Variants in SLC36A2 observed in about 807,000 individuals in gnomAD.
The protein encoded by SLC36A2 is solute carrier family 36 member 2.
A neutral mutation model predicts 42.7 loss-of-function variants in SLC36A2; 39 were observed. The ratio of observed to expected loss-of-function variants is 0.91; its 90% CI spans 0.71 to 1.19. SLC36A2 has a LOEUF of 1.19. Among genes scored for constraint, SLC36A2 ranks in the 50% most tolerant of loss-of-function variants. SLC36A2 has a pLI of 0.00. For missense variants in SLC36A2, 590 were observed against 613.7 expected, an observed-to-expected ratio of 0.96 and a Z score of 0.41; for synonymous variants, 237 against 240.8, an observed-to-expected ratio of 0.98 and a Z score of 0.15.
chr5:151,325,143 G>T, intron 8 of SLC36A2, 143 bp downstream of exon 8: 5 of 941,982 alleles, frequency 5.3e-6, no homozygotes, highest in Non-Finnish European at 6.6e-6. Context: ...AGAATCTGGA[G>T]ACCGTGGTTC....
intron 1 of SLC36A2, among the ~76,000 whole-genome samples, chr5:151,345,238 A>G (rs557170611): frequency 2.3e-4 from 35 of 152,344 alleles, no homozygotes; most frequent in African/African-American, 7.0e-4. Context: ...GAAATTCCCC[A>G]TGAGAACCTT....
rs9324689 is a variant in SLC36A2, at chr5:151,316,230, G to T, written c.*587C>A. 11,902 of 154,240 alleles carry T rather than the reference G, an allele frequency of 0.077. 667 individuals are homozygous for T. Among genetic ancestry groups the T allele is most frequent in the African/African-American group, 0.16 (6,520 of 41,534 alleles). The allele number at this position is 154,240 out of a possible 1,614,324, so 9.6% of individuals were successfully genotyped here. A position where few individuals can be genotyped will look rare whatever the true frequency, so the allele number is the denominator to read the frequency against. ...TGCTTCTTGCATAGCTCCACGCTAG[G>T]TATGAAATTCATTGTGTGAATTATC... On this transcript the variant is annotated 3_prime_UTR_variant, in exon 10 of 10. Coordinates refer to ENST00000335244, the MANE Select transcript of SLC36A2 (RefSeq NM_181776.3).
chr5:151,320,617 G>A (rs1236579748), intron 9 of SLC36A2, among the ~76,000 whole-genome samples: 3 of 152,256 alleles, frequency 2.0e-5, no homozygotes, highest in Non-Finnish European at 2.9e-5. Flanking sequence ...GGGGTACTCC[G>A]GGTCATGGGG....
chr5:151,320,828 C>T (rs113296992), intron 9 of SLC36A2, among the ~76,000 whole-genome samples: 581 of 152,320 alleles, frequency 3.8e-3, no homozygotes, highest in African/African-American at 0.013. Context: ...TGTTGGCCCA[C>T]TTTATACAAC....
chr5:151,330,333 C>G (rs1755963395), intron 7 of SLC36A2, among the ~76,000 whole-genome samples: 1 of 151,706 alleles, frequency 6.6e-6, no homozygotes, highest in South Asian at 2.1e-4. Flanking sequence ...CATAGGAGAA[C>G]AAGGATTCAA....
chr5:151,338,859 C>T (rs775932036), intron 5 of SLC36A2: 33 of 482,652 alleles, frequency 6.8e-5, no homozygotes, highest in South Asian at 1.6e-4. Context: ...TCTAAGATAC[C>T]GGATAAAGGG....
intron 2 of SLC36A2, 52 bp from the exon 3 acceptor site, chr5:151,343,650 T>C (rs1756412729): frequency 6.8e-7 from 1 of 1,480,906 alleles, no homozygotes; most frequent in African/African-American, 1.4e-5. Flanking sequence ...AATGCATTTA[T>C]GAAGAATACT....
intron 4 of SLC36A2, among the ~76,000 whole-genome samples, chr5:151,340,269 A>G (rs1465126965): frequency 1.3e-5 from 2 of 150,738 alleles, no homozygotes; most frequent in Non-Finnish European, 3.0e-5. Context: ...AGGAGGTGGA[A>G]GAAGAACTAA....
chr5:151,331,356 A>C (rs1755991136), intron 7 of SLC36A2, among the ~76,000 whole-genome samples: 1 of 151,680 alleles, frequency 6.6e-6, no homozygotes, highest in African/African-American at 2.4e-5. Context: ...TTACTCTGTC[A>C]CCCAGGCTGG....
rs79293011 is a variant in SLC36A2, at chr5:151,344,107, G to A, written c.255+70C>T. On this transcript the variant is annotated intron_variant, in intron 2 of 9. Transcript: ENST00000335244. Reference sequence around the variant, plus strand: ...ACTGCTCACCACAGGTTGCTAAACCGCTAGAGCCTCTCCTCTTACTTCCCT... The same window carrying A: ...ACTGCTCACCACAGGTTGCTAAACCACTAGAGCCTCTCCTCTTACTTCCCT... The A allele has an allele frequency of 8.4e-4, 1,211 of 1,438,706 alleles. 14 individuals are homozygous for A. In the African/African-American group the frequency reaches 0.015, roughly 17 times the overall value. 89.1% of individuals were successfully genotyped at this position (1,438,706 alleles called of 1,614,324 possible). A position where few individuals can be genotyped will look rare whatever the true frequency, so the allele number is the denominator to read the frequency against.
chr5:151,337,621 C>T (rs192772553), intron 5 of SLC36A2, among the ~76,000 whole-genome samples: 2 of 152,038 alleles, frequency 1.3e-5, no homozygotes, highest in African/African-American at 4.8e-5. Context: ...GTTTTAAGAG[C>T]CTTCAAAACA....
chr5:151,335,805 G>A (rs1756139378), intron 5 of SLC36A2, among the ~76,000 whole-genome samples: 1 of 152,134 alleles, frequency 6.6e-6, no homozygotes, highest in Non-Finnish European at 1.5e-5. Context: ...GAGGCAGGTG[G>A]ATCATTTGAG....
intron 8 of SLC36A2, among the ~76,000 whole-genome samples, chr5:151,323,611 G>A (rs888688599): frequency 6.6e-6 from 1 of 152,222 alleles, no homozygotes; most frequent in Non-Finnish European, 1.5e-5. Flanking sequence ...AGTGGTCCAT[G>A]TTTGGATTGA....
intron 7 of SLC36A2, among the ~76,000 whole-genome samples, chr5:151,332,200 G>GA (rs1189385189): frequency 2.6e-5 from 4 of 151,804 alleles, no homozygotes; most frequent in Middle Eastern, 6.8e-3. Flanking sequence ...AATTTAAAAG[G>GA]AAAAAAGAAG....
intron 5 of SLC36A2, chr5:151,338,757 C>T (rs528039192): frequency 4.0e-5 from 11 of 275,424 alleles, no homozygotes; most frequent in African/African-American, 1.8e-4. Flanking sequence ...ATTTTAGAAG[C>T]GTTAAGTATA....
rs766371470 is a variant in SLC36A2, at chr5:151,347,343, C to A, written c.118G>T (p.Glu40Ter). Reference protein sequence around the residue: ...LENKDSTFLDESPSESAGLKK... With the variant: ...LENKDSTFLD ...AAGCCTGCTGACTCTGAAGGACTTT[C>A]ATCCAAGAATGTAGAGTCCTTGTTC... is the stretch of plus-strand genomic sequence containing the variant. Residue 40 changes from glutamate to a stop codon, truncating the protein, a stop_gained, in exon 1 of 10, where the codon GAA (glutamate) becomes TAA (stop). Coordinates refer to ENST00000335244, the MANE Select transcript of SLC36A2 (RefSeq NM_181776.3). LOFTEE classifies it high-confidence loss of function. 1.9e-6 allele frequency: 3 copies of A among 1,614,234 alleles called. No individual in the cohort carries two copies. The South Asian group carries it at 3.3e-5, about 18-fold the overall frequency.
chr5:151,337,511 A>G (rs1756194263), intron 5 of SLC36A2, among the ~76,000 whole-genome samples: 3 of 152,212 alleles, frequency 2.0e-5, no homozygotes, highest in Non-Finnish European at 4.4e-5. Context: ...TTGCCTTGAT[A>G]ATAAATGCAG....
intron 7 of SLC36A2, among the ~76,000 whole-genome samples, chr5:151,326,812 C>CTTTTTTTTTTTTTTTTTTTTTTT (rs5872202): frequency 7.0e-6 from 1 of 142,282 alleles, no homozygotes. Context: ...ATGAATTTAC[C>CTTTTTTTTTTTTTTTTTTTTTTT]TTTTTTTTTT....
chr5:151,335,109 A>G (rs923281748), intron 6 of SLC36A2, among the ~76,000 whole-genome samples: 4 of 152,178 alleles, frequency 2.6e-5, no homozygotes, highest in Non-Finnish European at 5.9e-5. Context: ...AGAATTTGAC[A>G]TAAAAATAGA....
Sources: allele counts gnomAD v4.1 joint callset (sites outside exome capture counted in the v4.1 genomes callset), GRCh38; gene constraint gnomAD v4.1.1; transcripts MANE v1.5; gene names NCBI Gene and HGNC (gene_info 2026-07-23, HGNC 2026-07-21).